The following TBX2 variants were observed in gnomAD, a reference collection of about 807,000 sequenced individuals.
The protein encoded by TBX2 is T-box transcription factor TBX2.
In TBX2, 19 loss-of-function variants were observed where a neutral mutation model predicts 48.4. The ratio of observed to expected loss-of-function variants is 0.39; its 90% confidence interval spans 0.27 to 0.58. The LOEUF (loss-of-function observed/expected upper bound fraction) is 0.58. TBX2 is among the 20% of genes least tolerant of loss of function. TBX2 has a pLI of 0.54. For synonymous variants in TBX2, 522 were observed against 459.7 expected, an observed-to-expected ratio of 1.14 and a Z score of -1.73; for missense variants, 994 against 1,006.5, an observed-to-expected ratio of 0.99 and a Z score of 0.17.
chr17:61,400,502 T>C lies in TBX2; in HGVS notation c.326T>C (p.Leu109Pro). The C allele has an allele frequency of 1.9e-6, 3 of 1,600,682 alleles. No individual in the cohort carries two copies. The highest frequency in any genetic ancestry group is 8.5e-7 in the Non-Finnish European group (1 of 1,174,702). Residue 109 changes from leucine (L) to proline (P), a missense_variant, in exon 1 of 7, where the codon CTG becomes CCG. Leu to Pro is a moderately conservative substitution (Grantham distance 98). This residue lies in a region of TBX2 where 23 missense variants were observed against 46.9 expected (regional missense o/e 0.49). Coordinates refer to ENST00000240328, the MANE Select transcript of TBX2 (RefSeq NM_005994.4). The surrounding 1 kb of genome is among the most constrained non-coding windows in gnomAD (Gnocchi z 9.2). ...GTGGAGGACGACCCCAAGGTGACGC[T>C]GGAGGCCAAGGAGCTGTGGGACCAG... ...DEVEDDPKVT[L>P]EAKELWDQFH...
rs753065565 is a variant in TBX2 at position 61,404,930 on chromosome 17, G to A, written c.1051+161G>A. On this transcript the variant is annotated intron_variant, in intron 5 of 6. Transcript: ENST00000240328. Reference sequence around the variant, plus strand: ...TCCGTCCCGGGACTCCCCTACGAGGGCGGTCCCCGGTAGCCAGAAGATCCG... The same window carrying A: ...TCCGTCCCGGGACTCCCCTACGAGGACGGTCCCCGGTAGCCAGAAGATCCG... The A allele has an allele frequency of 4.3e-5, 55 of 1,269,030 alleles. No homozygotes were observed. The African/African-American group carries it at 7.2e-4, about 17-fold the overall frequency. The allele number at this position is 1,269,030 out of a possible 1,614,324, so 78.6% of individuals were successfully genotyped here. A position where few individuals can be genotyped will look rare whatever the true frequency, so the allele number is the denominator to read the frequency against.
Position 61,400,349 on chromosome 17 carries a change from C to T in TBX2, c.173C>T (p.Ala58Val), listed in dbSNP as rs2060259013. The T allele has an allele frequency of 9.9e-7, 1 of 1,007,808 alleles. No homozygotes were observed. The highest frequency in any genetic ancestry group is 1.2e-6 in the Non-Finnish European group (1 of 847,610). 62.4% of individuals were successfully genotyped at this position (1,007,808 alleles called of 1,614,324 possible). A position where few individuals can be genotyped will look rare whatever the true frequency, so the allele number is the denominator to read the frequency against. The change falls in exon 1 of 7, where the codon GCG becomes GTG. Residue 58 changes from alanine (A) to valine (V), a missense_variant. Physicochemically the swap from Ala to Val is moderately conservative, Grantham distance 64. Around this residue, in one of 5 missense-constraint regions of TBX2, gnomAD observed 165 missense variants for 136.8 expected, o/e 1.21. Transcript: ENST00000240328. This position sits in a 1 kb window ranked among gnomAD's most constrained non-coding sequence, Gnocchi z 9.2. ...LAKPLPDPGL[A>V]GAAAAAAAAA... ...AAGCCGCTGCCCGACCCGGGCCTGGCGGGGGCGGCGGCCGCGGCGGCGGCG... is the reference window on the plus strand; with the variant it reads ...AAGCCGCTGCCCGACCCGGGCCTGGTGGGGGCGGCGGCCGCGGCGGCGGCG...
rs1338460391 is a variant in TBX2, at chr17:61,400,419, C to T, written c.243C>T (p.Gly81=). The change falls in exon 1 of 7, where the codon GGC becomes GGT. Residue 81 remains glycine, a synonymous_variant. Transcript: ENST00000240328. The surrounding 1 kb of genome is among the most constrained non-coding windows in gnomAD (Gnocchi z 9.2). ...AEAGLHVSAL[G]PHPPAAHLRS... ...CGGGGCTGCACGTCTCGGCACTGGG[C>T]CCGCACCCGCCCGCCGCGCATCTGC... The T allele has an allele frequency of 5.2e-6, 8 of 1,543,938 alleles. No individual in the cohort carries two copies. Among genetic ancestry groups the T allele is most frequent in the Non-Finnish European group, 7.0e-6 (8 of 1,147,398 alleles).
intron 3 of TBX2, 146 bp from the exon 4 acceptor site, chr17:61,404,275 G>T: frequency 1.0e-6 from 1 of 997,198 alleles, no homozygotes; most frequent in South Asian, 1.8e-5. Flanking sequence ...GCCTCAGCTC[G>T]GGGCGTCCCA....
chr17:61,408,637 G>C lies in TBX2; in HGVS notation c.*131G>C. On this transcript the variant is annotated 3_prime_UTR_variant, in exon 7 of 7. Transcript: ENST00000240328. Reference sequence around the variant, plus strand: ...AAAGTGGGCTGCAGCAGCCGGAATAGAGCCTCGTCTGGCAAGTCGGGGCCT... The same window carrying C: ...AAAGTGGGCTGCAGCAGCCGGAATACAGCCTCGTCTGGCAAGTCGGGGCCT... 1.1e-6 allele frequency: 1 copy of C among 913,338 alleles called. No homozygotes were observed. The highest frequency in any genetic ancestry group is 1.5e-6 in the Non-Finnish European group (1 of 669,564). 56.6% of individuals were successfully genotyped at this position (913,338 alleles called of 1,614,324 possible). A position where few individuals can be genotyped will look rare whatever the true frequency, so the allele number is the denominator to read the frequency against.
intron 2 of TBX2, among the ~76,000 whole-genome samples, chr17:61,402,532 G>A (rs1319932184): frequency 6.6e-6 from 1 of 151,758 alleles, no homozygotes; most frequent in African/African-American, 2.4e-5. Flanking sequence ...CAGCGAACGG[G>A]GGTGGTGTTT....
Position 61,404,672 on chromosome 17 carries a change from G to A in TBX2, c.954G>A (p.Ala318=). 6.3e-7 allele frequency: 1 copy of A among 1,587,370 alleles called. No individual in the cohort carries two copies. Among genetic ancestry groups the A allele is most frequent in the Non-Finnish European group, 8.6e-7 (1 of 1,167,276 alleles). ...EEHCKPERDG[A]ESDASSCDPP... ...ACTGCAAACCCGAGCGCGATGGCGCGGAGTCAGACGCCTCGTCGTGCGACC... is the reference window on the plus strand; with the variant it reads ...ACTGCAAACCCGAGCGCGATGGCGCAGAGTCAGACGCCTCGTCGTGCGACC... Residue 318 remains alanine, a synonymous_variant, in exon 5 of 7, where the codon GCG becomes GCA. Transcript: ENST00000240328.
At chr17:61,402,959 A>AAGTG (rs2060270258) in intron 2 of TBX2, 102 bp from the exon 3 acceptor site, 1 of 172,126 alleles carries the variant, frequency 5.8e-6, no homozygotes, top group African/African-American at 5.8e-5. Flanking sequence ...AGAGAGAGAG[A>AAGTG]GAGAGAGAGA....
rs776252332 is a variant in TBX2, at chr17:61,403,173, A to G, written c.776A>G (p.Asp259Gly). 7 of 1,613,452 alleles carry G rather than the reference A, an allele frequency of 4.3e-6. No individual in the cohort carries two copies. Among genetic ancestry groups the G allele is most frequent in the Non-Finnish European group, 5.9e-6 (7 of 1,180,016 alleles). The change falls in exon 3 of 7, where the codon GAC (aspartate) becomes GGC (glycine). Residue 259 changes from aspartate (D) to glycine (G), a missense_variant. This residue lies in a region of TBX2 where 153 missense variants were observed against 166.2 expected (regional missense o/e 0.92). Coordinates refer to ENST00000240328, the MANE Select transcript of TBX2 (RefSeq NM_005994.4). The surrounding 1 kb of genome is among the most constrained non-coding windows in gnomAD (Gnocchi z 5.8). Reference protein sequence around the residue: ...TFRTYVFPETDFIAVTAYQND... With the variant: ...TFRTYVFPETGFIAVTAYQND... ...CGCACCTACGTGTTCCCGGAGACCG[A>G]CTTCATCGCCGTCACTGCCTACCAG...
rs774135961 is a variant in TBX2 at position 61,408,126 on chromosome 17, G to A, written c.1759G>A (p.Ala587Thr). 20 of 1,610,514 alleles carry A rather than the reference G, an allele frequency of 1.2e-5. No homozygotes were observed. Among genetic ancestry groups the A allele is most frequent in the Middle Eastern group, 3.4e-4 (2 of 5,906 alleles). ...YTYMAAAAAA[A>T]SALPATSAAA... Reference sequence around the variant, plus strand: ...CTACATGGCAGCAGCAGCCGCAGCCGCCTCGGCTTTGCCCGCCACTAGTGC... The same window carrying A: ...CTACATGGCAGCAGCAGCCGCAGCCACCTCGGCTTTGCCCGCCACTAGTGC... The change falls in exon 7 of 7, where the codon GCC becomes ACC. Residue 587 changes from alanine (A) to threonine (T), a missense_variant. By Grantham distance (58) the Ala-to-Thr change is moderately conservative (BLOSUM62 0). Around this residue, in one of 5 missense-constraint regions of TBX2, gnomAD observed 639 missense variants for 613.2 expected, o/e 1.04. Coordinates refer to ENST00000240328, the MANE Select transcript of TBX2 (RefSeq NM_005994.4).
Position 61,406,517 on chromosome 17 carries a change from G to A in TBX2, c.1686+681G>A, listed in dbSNP as rs1204001171. 6.6e-6 allele frequency: 1 copy of A among 152,160 alleles called. No individual in the cohort carries two copies. The highest frequency in any genetic ancestry group is 2.4e-5 in the African/African-American group (1 of 41,400). The allele number at this position is 152,160 out of a possible 1,614,324, so 9.4% of individuals were successfully genotyped here. A position where few individuals can be genotyped will look rare whatever the true frequency, so the allele number is the denominator to read the frequency against. ...GGAGTGTTGACGAAAATGTGGCTGG[G>A]GCACAGTAAGGAGATCCGATGGGGA... On this transcript the variant is annotated intron_variant, in intron 6 of 6. Coordinates refer to ENST00000240328, the MANE Select transcript of TBX2 (RefSeq NM_005994.4). The surrounding 1 kb of genome is among the most constrained non-coding windows in gnomAD (Gnocchi z 5.7).
rs2060259451 is a variant in TBX2 at position 61,400,399 on chromosome 17, C to T, written c.223C>T (p.Leu75=). Residue 75 remains leucine, a synonymous_variant, in exon 1 of 7, where the codon CTG becomes TTG. Transcript: ENST00000240328. This position sits in a 1 kb window ranked among gnomAD's most constrained non-coding sequence, Gnocchi z 9.2. ...AAAAAAAEAG[L]HVSALGPHPP... The stretch of plus-strand genomic sequence containing the variant: ...GGCGGCAGCAGCGGCCGAGGCGGGG[C>T]TGCACGTCTCGGCACTGGGCCCGCA... The T allele has an allele frequency of 2.7e-6, 4 of 1,461,074 alleles. No individual in the cohort carries two copies. Among genetic ancestry groups the T allele is most frequent in the Non-Finnish European group, 3.6e-6 (4 of 1,102,172 alleles). The allele number at this position is 1,461,074 out of a possible 1,614,324, so 90.5% of individuals were successfully genotyped here.
chr17:61,404,852 C>A, intron 5 of TBX2, 83 bp downstream of exon 5: 7 of 1,511,154 alleles, frequency 4.6e-6, no homozygotes, highest in Non-Finnish European at 6.2e-6. Context: ...CTGAGCCACC[C>A]GCTAACCTGA....
At position 61,405,214 on chromosome 17, in the gene TBX2, C is replaced by A. The variant is rs1277037820; in HGVS notation, c.1064C>A (p.Ser355Ter). The A allele has an allele frequency of 1.4e-5, 21 of 1,543,276 alleles. No individual in the cohort carries two copies. The highest frequency in any genetic ancestry group is 1.8e-5 in the Non-Finnish European group (21 of 1,154,100). Residue 355 changes from serine to a stop codon, truncating the protein, a stop_gained, in exon 6 of 7, where the codon TCG becomes TAG. Transcript: ENST00000240328. LOFTEE classifies it high-confidence loss of function. ...RLHRARAEEK[S>*]CAADSDPEPE... is the part of the protein sequence containing the mutation. The stretch of plus-strand genomic sequence containing the variant: ...CCTCTCCCCGCAGCTGAGGAGAAGT[C>A]GTGCGCCGCGGACAGCGACCCGGAG...
Position 61,408,853 on chromosome 17 carries a change from AG to A in TBX2, c.*351del, listed in dbSNP as rs2060298897. On this transcript the variant is annotated 3_prime_UTR_variant, in exon 7 of 7. Transcript: ENST00000240328. ...GCAGAAGCCAGAAGGTGCAGGGGCC[AG>A]GGGTGGGAGCATCGGAGGGAGTCCC... 4.2e-6 allele frequency: 1 copy of A among 235,378 alleles called. No homozygotes were observed. The highest frequency in any genetic ancestry group is 8.1e-6 in the Non-Finnish European group (1 of 123,228). 14.6% of individuals were successfully genotyped at this position (235,378 alleles called of 1,614,324 possible).
rs543504603 is a variant in TBX2, at chr17:61,401,654, A to G, written c.396-30A>G. 3.1e-6 allele frequency: 5 copies of G among 1,597,176 alleles called. No homozygotes were observed. The Admixed American group carries it at 6.7e-5, about 22-fold the overall frequency. The stretch of plus-strand genomic sequence containing the variant: ...CTGGAACCTAGAACAGCCGGTTCCA[A>G]TGGGATCTCCTCCCTTCCCTCCCTC... On this transcript the variant is annotated intron_variant, in intron 1 of 6. Transcript: ENST00000240328.
In TBX2 at chr17:61,400,726, G is replaced by A. The variant is rs1431957835; in HGVS notation, c.395+155G>A. 6.6e-6 allele frequency among the ~76,000 whole-genome samples: 1 copy of A among 152,188 alleles called. No homozygotes were observed. The highest frequency in any genetic ancestry group is 1.5e-5 in the Non-Finnish European group (1 of 68,038). On this transcript the variant is annotated intron_variant, in intron 1 of 6. Coordinates refer to ENST00000240328, the MANE Select transcript of TBX2 (RefSeq NM_005994.4). The surrounding 1 kb of genome is among the most constrained non-coding windows in gnomAD (Gnocchi z 9.2). ...ACGCTTCGCTCCCACGGACAACCAA[G>A]TTGACTTTTCTCGTTTGGCACCGGA... is the stretch of plus-strand genomic sequence containing the variant.
chr17:61,404,803 G>T (rs749310286), intron 5 of TBX2, 34 bp downstream of exon 5: 68 of 1,460,282 alleles, frequency 4.7e-5, no homozygotes, highest in South Asian at 9.9e-5. Flanking sequence ...ACAGGGAGGT[G>T]GCGGCGGGGG....
intron 2 of TBX2, among the ~76,000 whole-genome samples, chr17:61,402,160 G>C (rs1391194079): frequency 6.6e-6 from 1 of 152,228 alleles, no homozygotes; most frequent in Non-Finnish European, 1.5e-5. Context: ...GGAAATGGTG[G>C]GGTCAGTGGC....
Sources: gnomAD v4.1 joint callset for allele counts (sites outside exome capture counted in the v4.1 genomes callset) on GRCh38, gnomAD v4.1.1 for gene constraint, gnomAD v4.1.1 regional missense constraint, Gnocchi (gnomAD v3.1) non-coding constraint, MANE v1.5 for transcripts, NCBI Gene and HGNC (gene_info 2026-07-23, HGNC 2026-07-21) for gene names.